The following CAMK2D variants were observed in gnomAD, a reference collection of about 807,000 sequenced individuals.
The protein encoded by CAMK2D is calcium/calmodulin dependent protein kinase II delta.
Under a neutral mutation model 84.0 loss-of-function variants are expected in CAMK2D, and 37 were observed. The ratio of observed to expected loss-of-function variants is 0.44; its 90% CI spans 0.34 to 0.58. CAMK2D has a LOEUF of 0.58. CAMK2D is among the 20% of genes least tolerant of loss of function. CAMK2D has a pLI of 0.02. For synonymous variants in CAMK2D, 202 were observed against 212.5 expected (o/e 0.95, Z 0.43); for missense variants, 448 against 652.5 (o/e 0.69, Z 3.41).
At chr4:113,664,550 G>C (rs2099250171) in intron 2 of CAMK2D, among the ~76,000 whole-genome samples, 1 of 152,202 alleles carries the variant, frequency 6.6e-6, no homozygotes, top group African/African-American at 2.4e-5. Context: ...CTGTTGGCTG[G>C]AGGATGCCCT....
chr4:113,652,978 CAAAG>C (rs1446773151), intron 3 of CAMK2D, among the ~76,000 whole-genome samples: 12 of 151,940 alleles, frequency 7.9e-5, no homozygotes, highest in African/African-American at 2.9e-4. Context: ...AAAATATTGA[CAAAG>C]AAACCAGTAA....
chr4:113,526,031 G>A (rs779664148), intron 8 of CAMK2D, among the ~76,000 whole-genome samples: 25 of 152,234 alleles, frequency 1.6e-4, no homozygotes, highest in South Asian at 4.1e-4. Context: ...CATGTCACAC[G>A]AGTGAGGTGA....
At chr4:113,582,088 T>C (rs780428655) in intron 4 of CAMK2D, among the ~76,000 whole-genome samples, 19 of 152,182 alleles carry the variant, frequency 1.2e-4, no homozygotes, top group Non-Finnish European at 2.2e-4. Flanking sequence ...TTGGAGAGCA[T>C]ATTTTGACTC....
chr4:113,698,038 C>T (rs1406116965), intron 2 of CAMK2D, among the ~76,000 whole-genome samples: 2 of 152,064 alleles, frequency 1.3e-5, no homozygotes, highest in Non-Finnish European at 2.9e-5. Context: ...GCATTTAATA[C>T]ATCTAACTTA....
chr4:113,498,673 G>C (rs1371256039), intron 16 of CAMK2D, among the ~76,000 whole-genome samples: 1 of 152,090 alleles, frequency 6.6e-6, no homozygotes, highest in Non-Finnish European at 1.5e-5. Context: ...TGAAATCCCA[G>C]AGGCAAGATG....
At chr4:113,728,377 T>C (rs1381418730) in intron 2 of CAMK2D, among the ~76,000 whole-genome samples, 2 of 152,170 alleles carry the variant, frequency 1.3e-5, no homozygotes, top group African/African-American at 2.4e-5. Flanking sequence ...GATTGTTCTA[T>C]TCCATTCACA....
chr4:113,692,353 A>G lies in CAMK2D; in HGVS notation c.161-30581T>C, dbSNP rs568953693. Among the ~76,000 whole-genome samples the G allele has an allele frequency of 7.9e-5, 12 of 152,294 alleles. No homozygotes were observed. The East Asian group carries it at 2.3e-3, about 29-fold the overall frequency. ...TCTAAGTTTGTGAAAATTTTGAGTA[A>G]TATTAAATTGTGATTATTTACATTT... On this transcript the variant is annotated intron_variant, in intron 2 of 20. Transcript: ENST00000511664.
chr4:113,680,226 T>C (rs761247483), intron 2 of CAMK2D, among the ~76,000 whole-genome samples: 5 of 152,176 alleles, frequency 3.3e-5, no homozygotes, highest in Non-Finnish European at 5.9e-5. Flanking sequence ...ATAGAAGACC[T>C]GTAAGATTTT....
intron 4 of CAMK2D, among the ~76,000 whole-genome samples, chr4:113,570,812 TAAAA>T (rs2098749584): frequency 6.6e-6 from 1 of 151,874 alleles, no homozygotes; most frequent in South Asian, 2.1e-4. Flanking sequence ...ACATGAAACT[TAAAA>T]GCTTCTGCTC....
intron 2 of CAMK2D, among the ~76,000 whole-genome samples, chr4:113,721,810 C>T (rs942586962): frequency 1.2e-4 from 18 of 152,072 alleles, no homozygotes; most frequent in African/African-American, 4.1e-4. Flanking sequence ...ATTTTCTGGC[C>T]CTAAGACGAT....
chr4:113,625,588 G>C (rs2099064346), intron 3 of CAMK2D, among the ~76,000 whole-genome samples: 1 of 152,110 alleles, frequency 6.6e-6, no homozygotes, highest in Admixed American at 6.6e-5. Flanking sequence ...GACTTTACTT[G>C]ACCAGTTTGA....
chr4:113,571,643 G>A (rs2098754036), intron 4 of CAMK2D, among the ~76,000 whole-genome samples: 1 of 152,196 alleles, frequency 6.6e-6, no homozygotes, highest in Admixed American at 6.5e-5. Flanking sequence ...GGAGGCCGAG[G>A]CGGGTGGATC....
At chr4:113,734,639 T>C (rs1270887066) in intron 2 of CAMK2D, among the ~76,000 whole-genome samples, 6 of 152,210 alleles carry the variant, frequency 3.9e-5, no homozygotes, top group Admixed American at 3.9e-4. Flanking sequence ...AGCTTCCTTA[T>C]TCCAAGAACC....
intron 7 of CAMK2D, 118 bp from the exon 8 acceptor site, chr4:113,531,417 A>T (rs1045110209): frequency 1.5e-6 from 1 of 670,182 alleles, no homozygotes; most frequent in Non-Finnish European, 2.7e-6. Flanking sequence ...TTCAAAACAC[A>T]ACAAGGTTCT....
intron 3 of CAMK2D, among the ~76,000 whole-genome samples, chr4:113,629,327 A>C (rs7681664): frequency 0.13 from 20,056 of 152,148 alleles, 1,502 homozygotes; most frequent in Middle Eastern, 0.21. Flanking sequence ...TCAATTTTGA[A>C]AATCAAAAAT....
intron 6 of CAMK2D, among the ~76,000 whole-genome samples, chr4:113,538,797 T>C (rs2098510816): frequency 6.6e-6 from 1 of 152,174 alleles, no homozygotes; most frequent in South Asian, 2.1e-4. Flanking sequence ...TTAGGTTAAA[T>C]CTACAAGAAA....
chr4:113,662,240 T>G (rs2099236616), intron 2 of CAMK2D, among the ~76,000 whole-genome samples: 1 of 152,192 alleles, frequency 6.6e-6, no homozygotes, highest in Admixed American at 6.5e-5. Context: ...TTAACCATTC[T>G]CCTTACAATT....
intron 14 of CAMK2D, 46 bp from the exon 15 acceptor site, chr4:113,503,023 T>A: frequency 7.4e-7 from 1 of 1,360,204 alleles, no homozygotes; most frequent in Non-Finnish European, 1.1e-6. Flanking sequence ...CATTGGTAAG[T>A]ACATTCTTTC....
At chr4:113,470,645 G>GA (rs58054814) in intron 16 of CAMK2D, among the ~76,000 whole-genome samples, 29,382 of 139,356 alleles carry the variant, frequency 0.21, 3,174 homozygotes, top group Non-Finnish European at 0.28. Context: ...TCAAAAAAAA[G>GA]AAAAAAAAAA....
Sources: gnomAD v4.1 joint callset for allele counts (sites outside exome capture counted in the v4.1 genomes callset) on GRCh38, gnomAD v4.1.1 for gene constraint, MANE v1.5 for transcripts, NCBI Gene and HGNC (gene_info 2026-07-23, HGNC 2026-07-21) for gene names.